Variants in TMEM45B observed in about 807,000 individuals in gnomAD.
TMEM45B encodes transmembrane protein 45B.
Under a neutral mutation model 27.3 loss-of-function variants are expected in TMEM45B, and 29 were observed. The ratio of observed to expected loss-of-function variants is 1.06; its 90% CI spans 0.79 to 1.45. The LOEUF is 1.45. Ranked by LOEUF, TMEM45B falls within the 40% of genes most tolerant of loss-of-function variation. The probability of loss-of-function intolerance (pLI) is 0.00; values close to 1 mark genes in which losing one functional copy is unlikely to be tolerated. For synonymous variants in TMEM45B, 143 were observed against 134.7 expected (o/e 1.06, Z -0.43); for missense variants, 348 against 343.9 (o/e 1.01, Z -0.09).
At chr11:129,844,799 T>G (rs1478856730) in intron 1 of TMEM45B, among the ~76,000 whole-genome samples, 1 of 152,230 alleles carries the variant, frequency 6.6e-6, no homozygotes, top group Admixed American at 6.5e-5. Flanking sequence ...GTGATAACTC[T>G]GTTAATTAGC....
intron 1 of TMEM45B, among the ~76,000 whole-genome samples, chr11:129,851,976 G>A (rs935771526): frequency 3.3e-5 from 5 of 152,114 alleles, no homozygotes; most frequent in African/African-American, 1.2e-4. Context: ...GTATTATTTT[G>A]TGAATCATCC....
intron 1 of TMEM45B, among the ~76,000 whole-genome samples, chr11:129,837,777 CTTTTTTTTTTTTT>C (rs1159669879): frequency 4.3e-5 from 3 of 69,028 alleles, no homozygotes; most frequent in African/African-American, 5.9e-5. Context: ...AGGCTAGTTT[CTTTTTTTTTTTTT>C]TTTTTTTTTG....
intron 1 of TMEM45B, chr11:129,827,189 A>G (rs1947495555): frequency 6.6e-6 from 1 of 152,266 alleles, no homozygotes; most frequent in African/African-American, 2.4e-5. Context: ...GTCTTTCACA[A>G]GTATTGTCAT....
rs150180062 is a variant in TMEM45B, at chr11:129,854,647, C to A, written c.216C>A (p.His72Gln). 287 of 1,614,198 alleles carry A rather than the reference C, an allele frequency of 1.8e-4. 1 individual carries two copies. In the African/African-American group the frequency reaches 3.7e-3, roughly 21 times the overall value. Reference protein sequence around the residue: ...LAEQFVPDGPHLHLYHENHWI... With the variant: ...LAEQFVPDGPQLHLYHENHWI... ...AGCAGTTTGTTCCGGATGGGCCCCA[C>A]CTGCACCTCTACCATGAGAACCACT... The change falls in exon 3 of 6, where the codon CAC becomes CAA. Residue 72 changes from histidine to glutamine, a missense_variant. By Grantham distance (24) the His-to-Gln change is conservative. Transcript: ENST00000281441.
rs776064009 is a variant in TMEM45B at position 129,857,405 on chromosome 11, G to A, written c.663G>A (p.Trp221Ter). ...TGTTCATCACCATGTGCTTCTGCTG[G>A]CACTACCTGGCTGCCCTCAGCATTG... ...NLMFITMCFC[W>*]HYLAALSIVA... is the part of the protein sequence containing the mutation. The change falls in exon 5 of 6, where the codon TGG becomes TGA. Residue 221 changes from tryptophan (W) to a stop codon, truncating the protein, a stop_gained. Transcript: ENST00000281441. LOFTEE classifies it high-confidence loss of function. 5.6e-6 allele frequency: 9 copies of A among 1,614,142 alleles called. No individual in the cohort carries two copies.
intron 1 of TMEM45B, among the ~76,000 whole-genome samples, chr11:129,849,779 C>T (rs1009327119): frequency 2.6e-5 from 4 of 152,164 alleles, no homozygotes; most frequent in African/African-American, 9.7e-5. Flanking sequence ...TGGCCCTAGG[C>T]AGTGATCTCT....
intron 1 of TMEM45B, among the ~76,000 whole-genome samples, chr11:129,838,279 A>G (rs945874882): frequency 1.3e-5 from 2 of 152,044 alleles, no homozygotes; most frequent in African/African-American, 4.8e-5. Context: ...TTGTGGGGCC[A>G]TCCTGTGCTT....
At chr11:129,816,207 G>C (rs1565360051) in intron 1 of TMEM45B, among the ~76,000 whole-genome samples, 1 of 152,146 alleles carries the variant, frequency 6.6e-6, no homozygotes, top group Non-Finnish European at 1.5e-5. Context: ...GCCCTGGAAC[G>C]AATATTGCTC....
chr11:129,834,139 T>C (rs1204844078), intron 1 of TMEM45B, among the ~76,000 whole-genome samples: 3 of 151,982 alleles, frequency 2.0e-5, no homozygotes, highest in African/African-American at 4.8e-5. Context: ...TTGATAGAAA[T>C]GTGGACATTA....
At chr11:129,824,981 A>G (rs1947460966) in intron 1 of TMEM45B, among the ~76,000 whole-genome samples, 1 of 152,148 alleles carries the variant, frequency 6.6e-6, no homozygotes, top group African/African-American at 2.4e-5. Context: ...GGGAGGTGAC[A>G]CTGGAGAGGA....
intron 1 of TMEM45B, among the ~76,000 whole-genome samples, chr11:129,821,361 A>G (rs1947417814): frequency 6.6e-6 from 1 of 152,178 alleles, no homozygotes; most frequent in Non-Finnish European, 1.5e-5. Flanking sequence ...CACATCTGAA[A>G]AGACAGAGTC....
At position 129,851,543 on chromosome 11, in the gene TMEM45B, C is replaced by CAAAA. The variant is rs71057982; in HGVS notation, c.-8-920_-8-917dup. On this transcript the variant is annotated intron_variant, in intron 1 of 5. Transcript: ENST00000281441. ...TGGGTGACAGAGTGAAACTCTGCCT[C>CAAAA]AAAAAAAAAAAAAAAGTCCCCTTCT... Among the ~76,000 whole-genome samples, 12 of 54,970 alleles carry CAAAA rather than the reference C, an allele frequency of 2.2e-4. 3 individuals are homozygous for CAAAA. The highest frequency in any genetic ancestry group is 2.8e-4 in the African/African-American group (4 of 14,280). The allele number at this position is 54,970 out of a possible 152,430, so 36.1% of individuals were successfully genotyped here. A position where few individuals can be genotyped will look rare whatever the true frequency, so the allele number is the denominator to read the frequency against.
At chr11:129,844,910 A>G (rs770533083) in intron 1 of TMEM45B, among the ~76,000 whole-genome samples, 10 of 152,154 alleles carry the variant, frequency 6.6e-5, no homozygotes, top group Non-Finnish European at 1.5e-4. Context: ...ACCGCAATAA[A>G]GCTGAAAAAA....
intron 1 of TMEM45B, among the ~76,000 whole-genome samples, chr11:129,820,729 G>C (rs558006524): frequency 6.6e-6 from 1 of 150,982 alleles, no homozygotes; most frequent in African/African-American, 2.5e-5. Flanking sequence ...TCCTCTTGAG[G>C]GTATACTTTA....
chr11:129,834,541 T>A (rs529689512), intron 1 of TMEM45B, among the ~76,000 whole-genome samples: 5 of 152,138 alleles, frequency 3.3e-5, no homozygotes, highest in South Asian at 4.2e-4. Flanking sequence ...CTGGGCACCA[T>A]GGCTCACGCC....
At chr11:129,848,210 C>T (rs1397626178) in intron 1 of TMEM45B, among the ~76,000 whole-genome samples, 2 of 152,132 alleles carry the variant, frequency 1.3e-5, no homozygotes, top group South Asian at 2.1e-4. Flanking sequence ...CACTGCACTC[C>T]GGCCTGGGCA....
intron 1 of TMEM45B, among the ~76,000 whole-genome samples, chr11:129,835,394 C>G (rs776453085): frequency 1.3e-5 from 2 of 152,164 alleles, no homozygotes; most frequent in African/African-American, 4.8e-5. Context: ...AATGGCCTCA[C>G]CCCCTGTGGA....
intron 1 of TMEM45B, among the ~76,000 whole-genome samples, chr11:129,835,954 C>G (rs952663521): frequency 1.3e-5 from 2 of 152,060 alleles, no homozygotes; most frequent in Non-Finnish European, 2.9e-5. Context: ...CCCGTCTCTA[C>G]TAAAAATACA....
chr11:129,831,317 A>G (rs1322449867), intron 1 of TMEM45B, among the ~76,000 whole-genome samples: 3 of 152,198 alleles, frequency 2.0e-5, no homozygotes, highest in African/African-American at 7.2e-5. Flanking sequence ...CAGCATCACT[A>G]CTTTTTCATT....
Sources: gnomAD v4.1 joint callset for allele counts (sites outside exome capture counted in the v4.1 genomes callset) on GRCh38, gnomAD v4.1.1 for gene constraint, MANE v1.5 for transcripts, NCBI Gene and HGNC (gene_info 2026-07-23, HGNC 2026-07-21) for gene names.